The following CEP70 variants were observed in gnomAD, a reference collection of about 807,000 sequenced individuals.
The protein encoded by CEP70 is centrosomal protein of 70 kDa.
A neutral mutation model predicts 90.9 loss-of-function variants in CEP70; 70 were observed. The ratio of observed to expected loss-of-function variants is 0.77; its 90% CI spans 0.64 to 0.94. The LOEUF (loss-of-function observed/expected upper bound fraction) is 0.94. CEP70 is among the 40% of genes least tolerant of loss of function. The pLI, the probability that CEP70 is intolerant of heterozygous loss-of-function variation, is 0.00. For missense variants in CEP70, 648 were observed against 669.0 expected (o/e 0.97, Z 0.35); for synonymous variants, 220 against 228.3 (o/e 0.96, Z 0.33).
At chr3:138,563,246 T>C (rs921106161) in intron 6 of CEP70, among the ~76,000 whole-genome samples, 1 of 152,194 alleles carries the variant, frequency 6.6e-6, no homozygotes, top group South Asian at 2.1e-4. Flanking sequence ...CACAAAATAA[T>C]AGTGGGAGAC....
intron 6 of CEP70, among the ~76,000 whole-genome samples, chr3:138,563,039 A>G (rs1358658658): frequency 1.3e-5 from 2 of 152,158 alleles, no homozygotes; most frequent in African/African-American, 4.8e-5. Context: ...CAAAAAAAAA[A>G]AGCAGGGGTT....
In CEP70 at chr3:138,518,003, C is replaced by G. The variant is rs376985336; in HGVS notation, c.944+7487G>C. ...CCACCCTAACACTGCACTTTTCAAA[C>G]ACCCTTAGCAAACAGCACACCAGGA... On this transcript the variant is annotated intron_variant, in intron 11 of 17. Transcript: ENST00000264982. Among the ~76,000 whole-genome samples the G allele has an allele frequency of 3.9e-5, 6 of 152,348 alleles. No individual in the cohort carries two copies. In the East Asian group the frequency reaches 9.7e-4, roughly 25 times the overall value.
At chr3:138,514,651 G>GTT (rs958733841) in intron 11 of CEP70, among the ~76,000 whole-genome samples, 4 of 151,606 alleles carry the variant, frequency 2.6e-5, no homozygotes, top group Non-Finnish European at 1.5e-5. Flanking sequence ...AATTTTTTAA[G>GTT]TTTAAGTTTT....
chr3:138,551,572 C>G (rs1290499085), intron 6 of CEP70, among the ~76,000 whole-genome samples: 1 of 151,744 alleles, frequency 6.6e-6, no homozygotes, highest in Non-Finnish European at 1.5e-5. Flanking sequence ...ATAGTGAAAC[C>G]CCGTCTCTAC....
In CEP70 at chr3:138,594,223, A is replaced by G. The variant is rs2042546040; in HGVS notation, c.-134T>C. On this transcript the variant is annotated 5_prime_UTR_variant, in exon 1 of 18. Coordinates refer to ENST00000264982, the MANE Select transcript of CEP70 (RefSeq NM_024491.4). ...CTTACTCAGTCGCCGGCCTCCCACCAGCAGCCAGCCGGGCCAGGTTAGGCT... is the reference window on the plus strand; with the variant it reads ...CTTACTCAGTCGCCGGCCTCCCACCGGCAGCCAGCCGGGCCAGGTTAGGCT... The G allele has an allele frequency of 6.6e-6, 1 of 152,366 alleles. No homozygotes were observed. Among genetic ancestry groups the G allele is most frequent in the Non-Finnish European group, 1.5e-5 (1 of 68,242 alleles). The allele number at this position is 152,366 out of a possible 1,614,324, so 9.4% of individuals were successfully genotyped here.
At position 138,516,125 on chromosome 3, in the gene CEP70, T is replaced by TA. The variant is rs573936631; in HGVS notation, c.945-7582dup. On this transcript the variant is annotated intron_variant, in intron 11 of 17. Coordinates refer to ENST00000264982, the MANE Select transcript of CEP70 (RefSeq NM_024491.4). ...CTCCCACGATTGTACGTTTAGTACT[T>TA]ATAGCATATCGAAATTGTCTTATTT... 2.9e-3 allele frequency among the ~76,000 whole-genome samples: 449 copies of TA among 152,336 alleles called. 1 individual carries two copies. Among genetic ancestry groups the TA allele is most frequent in the South Asian group, 6.4e-3 (31 of 4,826 alleles).
intron 2 of CEP70, among the ~76,000 whole-genome samples, chr3:138,575,836 A>C (rs549420827): frequency 6.6e-6 from 1 of 152,344 alleles, no homozygotes; most frequent in East Asian, 1.9e-4. Flanking sequence ...CCAGAATTTC[A>C]TATCCAGCCA....
At chr3:138,578,284 G>A (rs895248449) in intron 2 of CEP70, among the ~76,000 whole-genome samples, 1 of 152,088 alleles carries the variant, frequency 6.6e-6, no homozygotes, top group Non-Finnish European at 1.5e-5. Context: ...AACCACTAAC[G>A]GCCATAAAAG....
At chr3:138,527,974 G>A (rs1251043768) in intron 10 of CEP70, among the ~76,000 whole-genome samples, 1 of 145,332 alleles carries the variant, frequency 6.9e-6, no homozygotes, top group Non-Finnish European at 1.5e-5. Flanking sequence ...GCAGTGTACT[G>A]TACATCAATT....
At position 138,500,462 on chromosome 3, in the gene CEP70, C is replaced by T; in HGVS notation, c.1474G>A (p.Val492Ile). The T allele has an allele frequency of 6.2e-7, 1 of 1,611,108 alleles. No homozygotes were observed. Among genetic ancestry groups the T allele is most frequent in the Non-Finnish European group, 8.5e-7 (1 of 1,179,338 alleles). ...TTCATTTCTCCAAGCCTAGTATAAA[C>T]TTCATTCATTCGGGGATAGACTCCA... ...LNGVYPRMNE[V>I]YTRLGEMNNA... Residue 492 changes from valine (V) to isoleucine (I), a missense_variant, in exon 15 of 18, where the codon GTT (valine) becomes ATT (isoleucine). Transcript: ENST00000264982.
At chr3:138,511,032 G>GTTA (rs1260754988) in intron 11 of CEP70, among the ~76,000 whole-genome samples, 1 of 151,282 alleles carries the variant, frequency 6.6e-6, no homozygotes, top group South Asian at 2.1e-4. Flanking sequence ...AGTTTTTGTT[G>GTTA]TTGTTGTTGT....
At chr3:138,534,637 T>C (rs1051048626) in intron 7 of CEP70, among the ~76,000 whole-genome samples, 12 of 152,200 alleles carry the variant, frequency 7.9e-5, no homozygotes, top group African/African-American at 2.7e-4. Flanking sequence ...CTTGAAACAC[T>C]TTTGTTCCTT....
chr3:138,569,402 T>C (rs1380788973), intron 6 of CEP70, among the ~76,000 whole-genome samples: 1 of 152,204 alleles, frequency 6.6e-6, no homozygotes, highest in South Asian at 2.1e-4. Flanking sequence ...ATAATGTTAG[T>C]AAAGATCAGA....
chr3:138,566,820 A>ATAT (rs1560426792), intron 6 of CEP70, among the ~76,000 whole-genome samples: 6 of 146,974 alleles, frequency 4.1e-5, no homozygotes, highest in East Asian at 4.7e-4. Context: ...TATATATATA[A>ATAT]AAAAAAAACT....
Position 138,529,939 on chromosome 3 carries a change from T to C in CEP70, c.693-477A>G, listed in dbSNP as rs546958697. Among the ~76,000 whole-genome samples the C allele has an allele frequency of 6.6e-5, 10 of 152,360 alleles. No homozygotes were observed. In the South Asian group the frequency reaches 2.1e-3, roughly 32 times the overall value. ...AGATTTAATAGTCTTGGTTCAAGCC[T>C]TGATAACACCACTAACTAGTTGTAT... On this transcript the variant is annotated intron_variant, in intron 8 of 17. Transcript: ENST00000264982.
intron 11 of CEP70, among the ~76,000 whole-genome samples, chr3:138,516,034 C>T (rs1389376650): frequency 6.6e-6 from 1 of 152,204 alleles, no homozygotes; most frequent in Non-Finnish European, 1.5e-5. Flanking sequence ...CTTCTCATCA[C>T]CTCCACTACT....
At chr3:138,582,086 C>T (rs1034321300) in intron 2 of CEP70, among the ~76,000 whole-genome samples, 1 of 152,152 alleles carries the variant, frequency 6.6e-6, no homozygotes, top group African/African-American at 2.4e-5. Flanking sequence ...CAGACCTGGC[C>T]TACAAGAAAT....
chr3:138,587,916 T>C (rs1183190261), intron 2 of CEP70, among the ~76,000 whole-genome samples: 2 of 151,784 alleles, frequency 1.3e-5, no homozygotes, highest in Admixed American at 6.6e-5. Flanking sequence ...TGAAACTAAA[T>C]AGATTCCAGA....
chr3:138,539,071 G>A (rs2038531201), intron 6 of CEP70, among the ~76,000 whole-genome samples: 1 of 152,136 alleles, frequency 6.6e-6, no homozygotes, highest in Non-Finnish European at 1.5e-5. Context: ...GGAGTACAGT[G>A]GCATGATCTC....
Sources: allele counts gnomAD v4.1 joint callset (sites outside exome capture counted in the v4.1 genomes callset), GRCh38; gene constraint gnomAD v4.1.1; transcripts MANE v1.5; gene names NCBI Gene and HGNC (gene_info 2026-07-23, HGNC 2026-07-21).